Variants in SOS1 observed in about 807,000 individuals in gnomAD.
SOS1 encodes the protein son of sevenless homolog 1.
SOS1 carries 25 observed loss-of-function variants against 157.6 expected under a neutral mutation model. The observed-to-expected ratio is 0.16, with a 90% CI of 0.12 to 0.22. The LOEUF (loss-of-function observed/expected upper bound fraction) is 0.22, where lower values mean the gene tolerates loss of function less well. Ranked by LOEUF, SOS1 falls within the 10% of genes least tolerant of loss-of-function variation. The probability of loss-of-function intolerance (pLI) is 1.00; values close to 1 mark genes in which losing one functional copy is unlikely to be tolerated. For missense variants in SOS1, 1,237 were observed against 1,599.1 expected, an observed-to-expected ratio of 0.77 and a Z score of 3.86; for synonymous variants, 528 against 534.0, an observed-to-expected ratio of 0.99 and a Z score of 0.16.
intron 17 of SOS1, among the ~76,000 whole-genome samples, chr2:39,005,517 TATG>T (rs1051667490): frequency 9.9e-4 from 150 of 152,152 alleles, no homozygotes; most frequent in African/African-American, 3.4e-3. Flanking sequence ...AAATATAAGA[TATG>T]ATAAGTGAAT....
chr2:39,044,161 A>G (rs1558485218), intron 6 of SOS1, among the ~76,000 whole-genome samples: 1 of 152,200 alleles, frequency 6.6e-6, no homozygotes, highest in Non-Finnish European at 1.5e-5. Context: ...GTTGGAGACC[A>G]GCCTAGCCAT....
chr2:39,106,184 T>TACACACAC (rs35147616), intron 1 of SOS1, among the ~76,000 whole-genome samples: 90 of 148,220 alleles, frequency 6.1e-4, no homozygotes, highest in African/African-American at 2.1e-3. Flanking sequence ...TGTGCTACTG[T>TACACACAC]ACACACACAC....
At chr2:39,093,663 T>C (rs1160959550) in intron 1 of SOS1, among the ~76,000 whole-genome samples, 1 of 152,116 alleles carries the variant, frequency 6.6e-6, no homozygotes, top group Non-Finnish European at 1.5e-5. Context: ...AGGAGACCAG[T>C]GTGACTACAG....
chr2:39,099,229 A>T (rs1672879455), intron 1 of SOS1, among the ~76,000 whole-genome samples: 2 of 152,236 alleles, frequency 1.3e-5, no homozygotes, highest in Non-Finnish European at 2.9e-5. Flanking sequence ...TGTATAAGCA[A>T]AATGTAGTAT....
rs1276829633 is a variant in SOS1 at position 39,095,599 on chromosome 2, G to A, written c.87+24737C>T. Among the ~76,000 whole-genome samples, 4 of 152,244 alleles carry A rather than the reference G, an allele frequency of 2.6e-5. No individual in the cohort carries two copies. The South Asian group carries it at 6.2e-4, about 24-fold the overall frequency. ...TCTCCTGAATCTGGGGCAGAAGTGC[G>A]TTTCCTACTCTAATGAGTTCTCTAT... On this transcript the variant is annotated intron_variant, in intron 1 of 22. Coordinates refer to ENST00000402219, the MANE Select transcript of SOS1 (RefSeq NM_005633.4).
Position 39,023,229 on chromosome 2 carries a change from G to GA in SOS1, c.1203-5dup. The GA allele has an allele frequency of 6.2e-7, 1 of 1,608,894 alleles. No individual in the cohort carries two copies. ...ATAAAACCGACATGCAGATTCACTG[G>GA]AATAAAGAAAAAGACATTATTAGTA... On this transcript the variant is annotated splice_region_variant and splice_polypyrimidine_tract_variant and intron_variant, in intron 9 of 22. Coordinates refer to ENST00000402219, the MANE Select transcript of SOS1 (RefSeq NM_005633.4).
chr2:39,081,662 T>C (rs1401521425), intron 1 of SOS1, among the ~76,000 whole-genome samples: 1 of 151,426 alleles, frequency 6.6e-6, no homozygotes, highest in Non-Finnish European at 1.5e-5. Context: ...CCGTCTCTAC[T>C]AAAAATACAA....
At chr2:39,094,325 A>T (rs1454764588) in intron 1 of SOS1, among the ~76,000 whole-genome samples, 1 of 152,122 alleles carries the variant, frequency 6.6e-6, no homozygotes, top group Non-Finnish European at 1.5e-5. Flanking sequence ...TACAAACAGT[A>T]CTTTTGGGGA....
intron 6 of SOS1, among the ~76,000 whole-genome samples, chr2:39,036,373 CTTGGTCT>C (rs1670343946): frequency 6.6e-6 from 1 of 152,076 alleles, no homozygotes; most frequent in African/African-American, 2.4e-5. Flanking sequence ...GAAACAGGAT[CTTGGTCT>C]TACTCTGTCA....
At chr2:39,052,747 A>G (rs1044921866) in intron 5 of SOS1, among the ~76,000 whole-genome samples, 1 of 152,234 alleles carries the variant, frequency 6.6e-6, no homozygotes, top group Non-Finnish European at 1.5e-5. Context: ...TAAAGCCGCT[A>G]TGAACATTCA....
Position 39,054,698 on chromosome 2 carries a change from A to C in SOS1, c.636T>G (p.Ile212Met), listed in dbSNP as rs1397573530. Residue 212 changes from isoleucine to methionine, a missense_variant, in exon 5 of 23, where the codon ATT becomes ATG. Ile to Met is a conservative substitution (Grantham distance 10). Transcript: ENST00000402219. The stretch of plus-strand genomic sequence containing the variant: ...GATTTAGTTCCCTTATATATTGTCG[A>C]ATTTCTGCCATAAATGCTTTTACCA... ...YDLVKAFMAE[I>M]RQYIRELNLI... is the part of the protein sequence containing the mutation. The C allele has an allele frequency of 2.5e-6, 4 of 1,600,692 alleles. No individual in the cohort carries two copies. The highest frequency in any genetic ancestry group is 3.4e-6 in the Non-Finnish European group (4 of 1,167,816).
intron 1 of SOS1, among the ~76,000 whole-genome samples, chr2:39,069,900 C>G (rs890981582): frequency 9.9e-5 from 15 of 152,138 alleles, no homozygotes; most frequent in Admixed American, 2.6e-4. Context: ...ACCCAGAAGG[C>G]TTAAATCATT....
At chr2:39,096,232 A>C (rs952837589) in intron 1 of SOS1, among the ~76,000 whole-genome samples, 1 of 152,206 alleles carries the variant, frequency 6.6e-6, no homozygotes, top group East Asian at 1.9e-4. Flanking sequence ...ATATTTTTAC[A>C]TTACATATCC....
intron 1 of SOS1, among the ~76,000 whole-genome samples, chr2:39,091,102 C>T (rs1470514875): frequency 6.6e-6 from 1 of 152,152 alleles, no homozygotes; most frequent in African/African-American, 2.4e-5. Flanking sequence ...CCCCTGACTT[C>T]AGGTGATCCA....
intron 1 of SOS1, among the ~76,000 whole-genome samples, chr2:39,092,295 G>C (rs1416630178): frequency 2.0e-5 from 3 of 151,994 alleles, no homozygotes; most frequent in Non-Finnish European, 4.4e-5. Context: ...TGCTTGTCTT[G>C]ATGTTTCTTG....
intron 10 of SOS1, among the ~76,000 whole-genome samples, chr2:39,016,046 C>A (rs1392736499): frequency 6.6e-6 from 1 of 151,836 alleles, no homozygotes; most frequent in Non-Finnish European, 1.5e-5. Flanking sequence ...GGAAAATTTT[C>A]ATTTAGGCTG....
chr2:39,068,174 T>C (rs2148141660), intron 1 of SOS1, among the ~76,000 whole-genome samples: 1 of 152,292 alleles, frequency 6.6e-6, no homozygotes, highest in East Asian at 1.9e-4. Context: ...AAATACAGAT[T>C]TGAATGATAC....
In SOS1 at chr2:39,064,153, T is replaced by C. The variant is rs1315886716; in HGVS notation, c.213+3475A>G. On this transcript the variant is annotated intron_variant, in intron 2 of 22. Transcript: ENST00000402219. ...ACACCGGCCAAATTTATTTACTCCT[T>C]AAATTGATGTATAAAACTGTACATG... Among the ~76,000 whole-genome samples the C allele has an allele frequency of 5.3e-5, 8 of 152,312 alleles. No individual in the cohort carries two copies. The East Asian group carries it at 1.3e-3, about 26-fold the overall frequency.
intron 1 of SOS1, among the ~76,000 whole-genome samples, chr2:39,095,394 T>A (rs2148194976): frequency 1.3e-5 from 2 of 152,284 alleles, no homozygotes; most frequent in Middle Eastern, 6.8e-3. Context: ...ACACTATGAT[T>A]AAGCTAGGGG....
Sources: allele counts gnomAD v4.1 joint callset (sites outside exome capture counted in the v4.1 genomes callset), GRCh38; gene constraint gnomAD v4.1.1; transcripts MANE v1.5; gene names NCBI Gene and HGNC (gene_info 2026-07-23, HGNC 2026-07-21).